The following MTBP variants were observed in gnomAD, a reference collection of about 807,000 sequenced individuals.
MTBP encodes MDM2 binding protein.
In MTBP, 101 loss-of-function variants were observed where a neutral mutation model predicts 117.0. The observed-to-expected ratio is 0.86, with a 90% CI of 0.73 to 1.02. The LOEUF (loss-of-function observed/expected upper bound fraction) is 1.02, where lower values mean the gene tolerates loss of function less well. Among genes scored for constraint, MTBP ranks in the 50% least tolerant of loss-of-function variants. The pLI, the probability that MTBP is intolerant of heterozygous loss-of-function variation, is 0.00. For synonymous variants in MTBP, 350 were observed against 351.5 expected (o/e 1.00, Z 0.05); for missense variants, 970 against 1,030.9 (o/e 0.94, Z 0.81).
Position 120,506,756 on chromosome 8 carries a change from G to A in MTBP, c.1778G>A (p.Gly593Asp), listed in dbSNP as rs1003996815. 2 of 1,613,162 alleles carry A rather than the reference G, an allele frequency of 1.2e-6. No individual in the cohort carries two copies. The highest frequency in any genetic ancestry group is 2.7e-5 in the African/African-American group (2 of 74,840). The change falls in exon 16 of 22, where the codon GGT becomes GAT. Residue 593 changes from glycine to aspartate, a missense_variant. Coordinates refer to ENST00000305949, the MANE Select transcript of MTBP (RefSeq NM_022045.5). ...GAACAGTTGCTGGGCCACAAAGAGG[G>A]TCCTCGGGACTCAATCACATTGTTG... is the stretch of plus-strand genomic sequence containing the variant. Reference protein sequence around the residue: ...SSEQLLGHKEGPRDSITLLDA... With the variant: ...SSEQLLGHKEDPRDSITLLDA...
chr8:120,453,609 G>A (rs758231804), intron 4 of MTBP, among the ~76,000 whole-genome samples: 4 of 151,748 alleles, frequency 2.6e-5, no homozygotes, highest in Non-Finnish European at 5.9e-5. Context: ...TTGTACTCAG[G>A]GTTTGAATCC....
chr8:120,491,982 C>A (rs1563798976), intron 13 of MTBP, among the ~76,000 whole-genome samples: 1 of 151,792 alleles, frequency 6.6e-6, no homozygotes, highest in Non-Finnish European at 1.5e-5. Flanking sequence ...GGTGAGAGGG[C>A]AGGAGAGAGT....
intron 10 of MTBP, among the ~76,000 whole-genome samples, chr8:120,470,059 G>A (rs1265777841): frequency 6.6e-6 from 1 of 152,174 alleles, no homozygotes; most frequent in Non-Finnish European, 1.5e-5. Context: ...ACTTTTTACT[G>A]AGATGTGATT....
intron 11 of MTBP, among the ~76,000 whole-genome samples, chr8:120,486,913 A>G (rs1263882961): frequency 6.6e-6 from 1 of 152,142 alleles, no homozygotes; most frequent in Non-Finnish European, 1.5e-5. Flanking sequence ...TTTGGTATAT[A>G]CCCTTAGGAT....
chr8:120,449,343 G>C (rs1297040798), intron 2 of MTBP, among the ~76,000 whole-genome samples: 2 of 152,118 alleles, frequency 1.3e-5, no homozygotes. Flanking sequence ...GTTCAGTTTG[G>C]AACCTGTTAA....
At chr8:120,510,238 A>G (rs528601796) in intron 17 of MTBP, among the ~76,000 whole-genome samples, 1 of 152,330 alleles carries the variant, frequency 6.6e-6, no homozygotes, top group African/African-American at 2.4e-5. Flanking sequence ...GCATTTAAGC[A>G]TCCTATTATT....
At chr8:120,481,845 G>A (rs1311678331) in intron 11 of MTBP, among the ~76,000 whole-genome samples, 1 of 151,928 alleles carries the variant, frequency 6.6e-6, no homozygotes, top group African/African-American at 2.4e-5. Flanking sequence ...GAATCATTCG[G>A]GTCCTTCAAC....
intron 16 of MTBP, among the ~76,000 whole-genome samples, chr8:120,507,250 A>G (rs1028158080): frequency 2.0e-5 from 3 of 152,102 alleles, no homozygotes; most frequent in African/African-American, 7.2e-5. Context: ...ATTGTCAGGC[A>G]TGCCTAATAG....
At chr8:120,479,753 GA>G in intron 11 of MTBP, among the ~76,000 whole-genome samples, 1 of 151,832 alleles carries the variant, frequency 6.6e-6, no homozygotes, top group Admixed American at 6.6e-5. Flanking sequence ...ATAGGTCAAA[GA>G]AAAAATCAAA....
chr8:120,508,456 A>G (rs1215253370), intron 16 of MTBP, among the ~76,000 whole-genome samples: 1 of 152,210 alleles, frequency 6.6e-6, no homozygotes, highest in African/African-American at 2.4e-5. Context: ...AATTATTTTA[A>G]TAATCATCGA....
chr8:120,495,802 G>A (rs1814441402), intron 13 of MTBP, among the ~76,000 whole-genome samples: 1 of 151,888 alleles, frequency 6.6e-6, no homozygotes, highest in Non-Finnish European at 1.5e-5. Flanking sequence ...TTTCATGGGT[G>A]CAGTATCTTC....
At chr8:120,509,748 A>T (rs542121129) in intron 16 of MTBP, among the ~76,000 whole-genome samples, 186 bp from the exon 17 acceptor site, 2 of 152,346 alleles carry the variant, frequency 1.3e-5, no homozygotes, top group East Asian at 3.9e-4. Context: ...AAATTTAAGT[A>T]ATGAAAGCCA....
chr8:120,446,258 C>A (rs1234970032), intron 1 of MTBP, among the ~76,000 whole-genome samples, 175 bp from the exon 2 acceptor site: 1 of 152,128 alleles, frequency 6.6e-6, no homozygotes, highest in African/African-American at 2.4e-5. Context: ...GGAGCCTTTT[C>A]TATTTTCTCT....
chr8:120,513,809 CTACCAAT>C (rs979360688), intron 17 of MTBP, among the ~76,000 whole-genome samples: 2 of 151,988 alleles, frequency 1.3e-5, no homozygotes, highest in African/African-American at 4.8e-5. Flanking sequence ...ACTCTAGATT[CTACCAAT>C]TACCCATGAT....
Position 120,453,834 on chromosome 8 carries a change from C to A in MTBP, c.426-13C>A, listed in dbSNP as rs760793485. On this transcript the variant is annotated splice_polypyrimidine_tract_variant and intron_variant, in intron 4 of 21. Coordinates refer to ENST00000305949, the MANE Select transcript of MTBP (RefSeq NM_022045.5). ...ATGGGGTTTTCTTTCCCTAACTTAC[C>A]CTTTTATTTTAGTCTCTATGAAGAA... The A allele has an allele frequency of 1.4e-6, 2 of 1,469,310 alleles. No individual in the cohort carries two copies. The allele number at this position is 1,469,310 out of a possible 1,614,324, so 91.0% of individuals were successfully genotyped here.
At chr8:120,466,128 A>G (rs1191486841) in intron 10 of MTBP, among the ~76,000 whole-genome samples, 1 of 151,944 alleles carries the variant, frequency 6.6e-6, no homozygotes, top group Admixed American at 6.6e-5. Context: ...TTTTGAAGCC[A>G]TATATTATGT....
chr8:120,465,984 G>A (rs1174922240), intron 10 of MTBP, among the ~76,000 whole-genome samples: 1 of 151,858 alleles, frequency 6.6e-6, no homozygotes, highest in African/African-American at 2.4e-5. Flanking sequence ...CAGTTGTTTT[G>A]TTTTAAATTT....
chr8:120,480,629 C>T (rs72678291), intron 11 of MTBP, among the ~76,000 whole-genome samples: 3,607 of 151,960 alleles, frequency 0.024, 55 homozygotes, highest in Middle Eastern at 0.11. Flanking sequence ...ATGCCAATGG[C>T]GAAAGGACAG....
chr8:120,504,345 C>T (rs893390261), intron 15 of MTBP, among the ~76,000 whole-genome samples: 3 of 152,080 alleles, frequency 2.0e-5, no homozygotes. Context: ...TCTTCTATCT[C>T]TAAACCTTAT....
Sources: allele counts gnomAD v4.1 joint callset (sites outside exome capture counted in the v4.1 genomes callset), GRCh38; gene constraint gnomAD v4.1.1; transcripts MANE v1.5; gene names NCBI Gene and HGNC (gene_info 2026-07-23, HGNC 2026-07-21).